Variants in RPS6KA2 observed in about 807,000 individuals in gnomAD.
RPS6KA2 encodes the protein ribosomal protein S6 kinase alpha-2.
A neutral mutation model predicts 91.8 loss-of-function variants in RPS6KA2; 42 were observed. That is an observed-to-expected ratio of 0.46 (90% CI 0.36 to 0.59). RPS6KA2 has a LOEUF of 0.59. RPS6KA2 is among the 20% of genes least tolerant of loss of function. The pLI, the probability that RPS6KA2 is intolerant of heterozygous loss-of-function variation, is 0.00. For missense variants in RPS6KA2, 798 were observed against 978.5 expected, an observed-to-expected ratio of 0.82 and a Z score of 2.46; for synonymous variants, 414 against 393.6, an observed-to-expected ratio of 1.05 and a Z score of -0.61.
rs1779250900 is a variant in RPS6KA2 at position 166,434,988 on chromosome 6, G to A, written c.1333-2498C>T. Among the ~76,000 whole-genome samples the A allele has an allele frequency of 6.6e-6, 1 of 152,168 alleles. No homozygotes were observed. The highest frequency in any genetic ancestry group is 2.4e-5 in the African/African-American group (1 of 41,440). ...GAACAGGGTGCCTGGGGGCCCATGG[G>A]TGGGAGGGAAACTTTGCTGTATCCA... is the stretch of plus-strand genomic sequence containing the variant. On this transcript the variant is annotated intron_variant, in intron 14 of 20. Coordinates refer to ENST00000265678, the MANE Select transcript of RPS6KA2 (RefSeq NM_021135.6). This position sits in a 1 kb window ranked among gnomAD's most constrained non-coding sequence, Gnocchi z 4.4.
At chr6:166,593,983 G>A (rs1785443693) in intron 1 of RPS6KA2, among the ~76,000 whole-genome samples, 1 of 152,078 alleles carries the variant, frequency 6.6e-6, no homozygotes, top group Non-Finnish European at 1.5e-5. Flanking sequence ...TTCCATTCCC[G>A]ACAATTTACC....
intron 2 of RPS6KA2, among the ~76,000 whole-genome samples, chr6:166,847,057 T>C (rs1301655709): frequency 4.6e-5 from 7 of 152,128 alleles, no homozygotes. Context: ...TAATTGAATT[T>C]AGCAAAGTTT....
At chr6:166,850,047 G>A (rs1780700788) in intron 2 of RPS6KA2, among the ~76,000 whole-genome samples, 1 of 152,148 alleles carries the variant, frequency 6.6e-6, no homozygotes, top group African/African-American at 2.4e-5. Context: ...CTTCTTGGTG[G>A]CCACTCAACG....
chr6:166,484,047 T>C (rs1239151611), intron 10 of RPS6KA2, among the ~76,000 whole-genome samples: 1 of 152,232 alleles, frequency 6.6e-6, no homozygotes, highest in African/African-American at 2.4e-5. Context: ...GAGCAGGCAC[T>C]GCGGGGGCCA....
upstream of RPS6KA2, among the ~76,000 whole-genome samples, chr6:166,631,180 C>A (rs561916171): frequency 6.6e-6 from 1 of 152,140 alleles, no homozygotes; most frequent in Non-Finnish European, 1.5e-5. Context: ...AGTCTTAATG[C>A]GTAAAAGTCT....
intron 16 of RPS6KA2, 40 bp downstream of exon 16, chr6:166,430,413 C>G (rs766581196): frequency 6.3e-7 from 1 of 1,576,016 alleles, no homozygotes; most frequent in Non-Finnish European, 8.6e-7. Flanking sequence ...TGCCCTGAAG[C>G]TCCCTCCTCC....
intron 3 of RPS6KA2, among the ~76,000 whole-genome samples, chr6:166,523,048 T>C (rs1172211216): frequency 6.6e-6 from 1 of 152,212 alleles, no homozygotes; most frequent in African/African-American, 2.4e-5. Context: ...GTATTAAAGA[T>C]GACAAGTAAT....
At chr6:166,764,705 C>A (rs1160740003) in intron 2 of RPS6KA2, among the ~76,000 whole-genome samples, 2 of 152,216 alleles carry the variant, frequency 1.3e-5, no homozygotes, top group Admixed American at 1.3e-4. Context: ...AAGGAGCCTG[C>A]AGCCATGAGC....
intron 12 of RPS6KA2, among the ~76,000 whole-genome samples, chr6:166,457,924 G>A (rs908895112): frequency 5.9e-5 from 9 of 152,166 alleles, no homozygotes; most frequent in African/African-American, 1.9e-4. Flanking sequence ...CAAAAGCAGC[G>A]AGAAAAAATA....
chr6:166,838,287 G>A (rs1354901139), intron 2 of RPS6KA2, among the ~76,000 whole-genome samples: 1 of 152,258 alleles, frequency 6.6e-6, no homozygotes, highest in African/African-American at 2.4e-5. Flanking sequence ...CTTACAAGGT[G>A]AAGTGCTTCC....
intron 10 of RPS6KA2, 65 bp from the exon 11 acceptor site, chr6:166,469,970 T>C (rs528070020): frequency 2.1e-6 from 3 of 1,403,970 alleles, no homozygotes; most frequent in South Asian, 1.2e-5. Flanking sequence ...CAGTTTCCAA[T>C]GCAGCAGTGT....
At chr6:166,629,940 C>T (rs1582964303), upstream of RPS6KA2, among the ~76,000 whole-genome samples, 2 of 137,936 alleles carry the variant, frequency 1.4e-5, no homozygotes, top group Admixed American at 1.4e-4. Context: ...AAGAAGTTCA[C>T]AGTCTTATGG....
chr6:166,740,632 T>C (rs955397242), intron 2 of RPS6KA2, among the ~76,000 whole-genome samples: 1 of 152,188 alleles, frequency 6.6e-6, no homozygotes, highest in Admixed American at 6.6e-5. Context: ...AACTCACACA[T>C]AGACAAAGTT....
chr6:166,510,464 A>G lies in RPS6KA2; in HGVS notation c.299-107T>C, dbSNP rs529994982. On this transcript the variant is annotated intron_variant, in intron 3 of 20. Transcript: ENST00000265678. ...ATTCCCGCCAACTTTTCATTAAAAA[A>G]TTTCAAACATATACAAAACTTGAAA... 5 of 606,156 alleles carry G rather than the reference A, an allele frequency of 8.2e-6. No individual in the cohort carries two copies. In the African/African-American group the frequency reaches 9.7e-5, roughly 12 times the overall value. 37.5% of individuals were successfully genotyped at this position (606,156 alleles called of 1,614,324 possible). A position where few individuals can be genotyped will look rare whatever the true frequency, so the allele number is the denominator to read the frequency against.
At position 166,830,138 on chromosome 6, in the gene RPS6KA2, A is replaced by AAAAAG. The variant is rs1554261427; in HGVS notation, c.123+28061_123+28062insCTTTT. ...AAAACTCCATTTCAAAAAAAAAAAA[A>AAAAAG]AAAGAAAGAAAGAAAGAAAGAAAGA... On this transcript the variant is annotated intron_variant, in intron 2 of 21. Transcript: ENST00000503859. 1.1e-3 allele frequency among the ~76,000 whole-genome samples: 146 copies of AAAAAG among 129,066 alleles called. 1 individual carries two copies. The highest frequency in any genetic ancestry group is 1.1e-3 in the Non-Finnish European group (66 of 60,598). The allele number at this position is 129,066 out of a possible 152,430, so 84.7% of individuals were successfully genotyped here.
chr6:166,526,352 T>C (rs1364632162), intron 3 of RPS6KA2, among the ~76,000 whole-genome samples: 1 of 144,176 alleles, frequency 6.9e-6, no homozygotes, highest in African/African-American at 2.6e-5. Context: ...TTTTTTTTTT[T>C]TTTTTTTTTT....
intron 2 of RPS6KA2, among the ~76,000 whole-genome samples, chr6:166,804,430 G>A (rs866338663): frequency 4.6e-5 from 7 of 151,568 alleles, no homozygotes; most frequent in East Asian, 1.9e-4. Flanking sequence ...ATCTCACTGC[G>A]GGGAAATTAA....
At position 166,412,760 on chromosome 6, in the gene RPS6KA2, C is replaced by T. The variant is rs754131252; in HGVS notation, c.*2G>A. On this transcript the variant is annotated 3_prime_UTR_variant, in exon 21 of 21. Transcript: ENST00000265678. This position sits in a 1 kb window ranked among gnomAD's most constrained non-coding sequence, Gnocchi z 4.3. ...GGGACGCTGGGGCCAGGGTCCCACC[C>T]GCTACAGCCGCGTGGACGTGAGTCT... is the stretch of plus-strand genomic sequence containing the variant. The T allele has an allele frequency of 3.8e-6, 6 of 1,595,204 alleles. No homozygotes were observed. The Admixed American group carries it at 6.9e-5, about 18-fold the overall frequency.
chr6:166,625,328 C>T (rs1208535764), intron 1 of RPS6KA2, among the ~76,000 whole-genome samples: 4 of 57,088 alleles, frequency 7.0e-5, no homozygotes, highest in Admixed American at 1.9e-4. Context: ...CCACCACCCC[C>T]CCACCCCCCC....
Sources: gnomAD v4.1 joint callset for allele counts (sites outside exome capture counted in the v4.1 genomes callset) on GRCh38, gnomAD v4.1.1 for gene constraint, Gnocchi (gnomAD v3.1) non-coding constraint, MANE v1.5 for transcripts, NCBI Gene and HGNC (gene_info 2026-07-23, HGNC 2026-07-21) for gene names.